The following KIF2A variants were observed in gnomAD, a reference collection of about 807,000 sequenced individuals.
KIF2A encodes the protein kinesin family member 2A.
KIF2A carries 22 observed loss-of-function variants against 100.2 expected under a neutral mutation model. The ratio of observed to expected loss-of-function variants is 0.22; its 90% confidence interval spans 0.16 to 0.31. The LOEUF (loss-of-function observed/expected upper bound fraction) is 0.31. Among genes scored for constraint, KIF2A ranks in the 10% least tolerant of loss-of-function variants. The pLI is 1.00. For missense variants in KIF2A, 495 were observed against 898.7 expected (o/e 0.55, Z 5.74); for synonymous variants, 268 against 285.9 (o/e 0.94, Z 0.63).
chr5:62,360,235 C>T (rs749583696), intron 9 of KIF2A, among the ~76,000 whole-genome samples: 11 of 152,002 alleles, frequency 7.2e-5, no homozygotes, highest in Non-Finnish European at 1.3e-4. Context: ...AGTGATCCAC[C>T]CACCTCAGCC....
At chr5:62,324,663 A>C (rs1746273769) in intron 1 of KIF2A, among the ~76,000 whole-genome samples, 2 of 152,214 alleles carry the variant, frequency 1.3e-5, no homozygotes, top group Non-Finnish European at 2.9e-5. Context: ...CCACATGTAG[A>C]AGATTGAAAC....
At chr5:62,324,091 C>T (rs912108666) in intron 1 of KIF2A, among the ~76,000 whole-genome samples, 3 of 151,822 alleles carry the variant, frequency 2.0e-5, no homozygotes, top group Admixed American at 6.6e-5. Flanking sequence ...TTCAAAATGC[C>T]TCTGCACAGA....
At chr5:62,382,360 G>C (rs1741804696) in intron 20 of KIF2A, among the ~76,000 whole-genome samples, 1 of 152,128 alleles carries the variant, frequency 6.6e-6, no homozygotes, top group Admixed American at 6.6e-5. Context: ...AGGATCACTT[G>C]ATCCCAGGAG....
At chr5:62,375,553 C>T (rs1000500334) in intron 18 of KIF2A, among the ~76,000 whole-genome samples, 8 of 152,246 alleles carry the variant, frequency 5.3e-5, no homozygotes, top group Middle Eastern at 3.2e-3. Context: ...ATCAATTAAA[C>T]TCATTGCTTC....
chr5:62,316,531 G>C (rs1745825243), intron 1 of KIF2A, among the ~76,000 whole-genome samples: 2 of 152,176 alleles, frequency 1.3e-5, no homozygotes, highest in Admixed American at 1.3e-4. Context: ...GGGATAAATA[G>C]GCACAGCACA....
intron 1 of KIF2A, among the ~76,000 whole-genome samples, chr5:62,329,301 A>C (rs565048063): frequency 6.6e-6 from 1 of 152,244 alleles, no homozygotes. Flanking sequence ...CACTGTTACC[A>C]GTGTCAGCTG....
intron 1 of KIF2A, among the ~76,000 whole-genome samples, chr5:62,323,526 GA>G (rs879662161): frequency 0.011 from 909 of 81,868 alleles, 2 homozygotes; most frequent in Non-Finnish European, 0.016. Flanking sequence ...CTGTCTCAAA[GA>G]AAAAAAAAAA....
At chr5:62,313,721 G>T (rs1229559323) in intron 1 of KIF2A, among the ~76,000 whole-genome samples, 2 of 152,072 alleles carry the variant, frequency 1.3e-5, no homozygotes, top group Non-Finnish European at 2.9e-5. Flanking sequence ...AATTGGCATT[G>T]TCATTATTAG....
rs780774764 is a variant in KIF2A, at chr5:62,385,559, G to A, written c.2225G>A (p.Arg742His). ...AAGCAAATCAACCCGAAGAGACCCC[G>A]TGCCCTTTAAACCGGCATTTGCTGC... The part of the protein sequence containing the change: ...ASKQINPKRP[R>H]AL The change falls in exon 21 of 21, where the codon CGT (arginine) becomes CAT (histidine). Residue 742 changes from arginine (R) to histidine (H), a missense_variant. Coordinates refer to ENST00000407818, the MANE Select transcript of KIF2A (RefSeq NM_001098511.3). 16 of 1,589,882 alleles carry A rather than the reference G, an allele frequency of 1.0e-5. No individual in the cohort carries two copies. The highest frequency in any genetic ancestry group is 2.3e-5 in the East Asian group (1 of 43,658).
At chr5:62,352,782 G>A in intron 5 of KIF2A, 72 bp downstream of exon 5, 2 of 1,272,756 alleles carry the variant, frequency 1.6e-6, no homozygotes, top group Admixed American at 2.4e-5. Context: ...ATCCTTTTAA[G>A]TCCTCAAAGA....
intron 19 of KIF2A, among the ~76,000 whole-genome samples, chr5:62,379,660 A>G (rs1172945045): frequency 7.4e-5 from 5 of 67,542 alleles, no homozygotes; most frequent in East Asian, 3.5e-4. Context: ...GAAACTCAGG[A>G]AAAAAAAAAA....
intron 3 of KIF2A, among the ~76,000 whole-genome samples, chr5:62,349,772 G>A (rs1406661152): frequency 6.6e-6 from 1 of 152,076 alleles, no homozygotes; most frequent in African/African-American, 2.4e-5. Context: ...TTTCCTCATC[G>A]ATGAGATGGG....
rs188894579 is a variant in KIF2A, at chr5:62,336,325, C to T, written c.65-10805C>T. ...GGTTTTTAAATGCCGCTGATTTGCT[C>T]CTGGAGCTAGATTTATAAGAAATTT... On this transcript the variant is annotated intron_variant, in intron 1 of 20. Coordinates refer to ENST00000407818, the MANE Select transcript of KIF2A (RefSeq NM_001098511.3). 6.6e-5 allele frequency among the ~76,000 whole-genome samples: 10 copies of T among 152,252 alleles called. No individual in the cohort carries two copies. In the East Asian group the frequency reaches 1.7e-3, roughly 26 times the overall value.
chr5:62,325,807 A>G (rs1044604842), intron 1 of KIF2A, among the ~76,000 whole-genome samples: 1 of 152,258 alleles, frequency 6.6e-6, no homozygotes, highest in South Asian at 2.1e-4. Context: ...TGGAAAATAA[A>G]TTATTCTACA....
At chr5:62,382,093 T>C (rs1427787684) in intron 20 of KIF2A, among the ~76,000 whole-genome samples, 4 of 152,224 alleles carry the variant, frequency 2.6e-5, no homozygotes, top group African/African-American at 9.6e-5. Context: ...GTACACGCAA[T>C]CCAACATAAA....
chr5:62,358,591 A>T (rs1407540766), intron 9 of KIF2A, among the ~76,000 whole-genome samples: 1 of 152,172 alleles, frequency 6.6e-6, no homozygotes, highest in Non-Finnish European at 1.5e-5. Flanking sequence ...ATTTCGGGAA[A>T]ATGTTAACAT....
rs1742231661 is a variant in KIF2A, at chr5:62,390,028, C to G, written c.*4459C>G. 6.6e-6 allele frequency among the ~76,000 whole-genome samples: 1 copy of G among 152,118 alleles called. No individual in the cohort carries two copies. The highest frequency in any genetic ancestry group is 2.1e-4 in the South Asian group (1 of 4,830). On this transcript the variant is annotated 3_prime_UTR_variant, in exon 21 of 21. Coordinates refer to ENST00000407818, the MANE Select transcript of KIF2A (RefSeq NM_001098511.3). Reference sequence around the variant, plus strand: ...TGACTCAGTAGTACTGCTAGCCAGCCAATAAAATATAAACTCCATTTGTCT... The same window carrying G: ...TGACTCAGTAGTACTGCTAGCCAGCGAATAAAATATAAACTCCATTTGTCT...
chr5:62,348,031 G>T lies in KIF2A; in HGVS notation c.160-17G>T, dbSNP rs775469658. 3.1e-6 allele frequency: 5 copies of T among 1,612,262 alleles called. No individual in the cohort carries two copies. The highest frequency in any genetic ancestry group is 4.2e-6 in the Non-Finnish European group (5 of 1,178,806). On this transcript the variant is annotated splice_polypyrimidine_tract_variant and intron_variant, in intron 2 of 20. Coordinates refer to ENST00000407818, the MANE Select transcript of KIF2A (RefSeq NM_001098511.3). Reference sequence around the variant, plus strand: ...AAAATATACTCTCAAAAGACTATGTGTATGTGTTGTGAACAGATTGACCTG... The same window carrying T: ...AAAATATACTCTCAAAAGACTATGTTTATGTGTTGTGAACAGATTGACCTG...
intron 12 of KIF2A, among the ~76,000 whole-genome samples, chr5:62,362,785 A>G (rs1580078017): frequency 6.6e-6 from 1 of 152,070 alleles, no homozygotes; most frequent in East Asian, 1.9e-4. Flanking sequence ...TATTATTTTA[A>G]TCTCTGAAAT....
Sources: gnomAD v4.1 joint callset for allele counts (sites outside exome capture counted in the v4.1 genomes callset) on GRCh38, gnomAD v4.1.1 for gene constraint, MANE v1.5 for transcripts, NCBI Gene and HGNC (gene_info 2026-07-23, HGNC 2026-07-21) for gene names.